The following TP73 variants were observed in gnomAD, a reference collection of about 807,000 sequenced individuals.
TP73 encodes p53-like transcription factor.
A neutral mutation model predicts 62.5 loss-of-function variants in TP73; 25 were observed. The observed-to-expected ratio is 0.40, with a 90% CI of 0.29 to 0.56. TP73 has a LOEUF of 0.56. TP73 is among the 20% of genes least tolerant of loss of function. TP73 has a pLI of 0.46. For missense variants in TP73, 754 were observed against 913.3 expected (o/e 0.83, Z 2.25); for synonymous variants, 423 against 377.5 (o/e 1.12, Z -1.40).
intron 1 of TP73, among the ~76,000 whole-genome samples, chr1:3,676,274 T>C (rs1269807698): frequency 1.6e-5 from 2 of 123,182 alleles, no homozygotes; most frequent in Non-Finnish European, 3.3e-5. Flanking sequence ...GGCAGGGATC[T>C]ATGGGGACAA....
intron 4 of TP73, among the ~76,000 whole-genome samples, chr1:3,718,393 C>A (rs1640787004): frequency 6.6e-6 from 1 of 152,236 alleles, no homozygotes; most frequent in Admixed American, 6.5e-5. Context: ...ATCGCCACTT[C>A]ACCCTGCCCG....
At chr1:3,727,994 T>C (rs890505068) in intron 8 of TP73, 135 bp from the exon 9 acceptor site, 23 of 1,179,784 alleles carry the variant, frequency 1.9e-5, no homozygotes, top group Non-Finnish European at 2.5e-5. Flanking sequence ...TGCCCGTCCC[T>C]GTGGGTTGCT....
chr1:3,715,513 G>A (rs1027690341), intron 4 of TP73, among the ~76,000 whole-genome samples: 3 of 152,212 alleles, frequency 2.0e-5, no homozygotes, highest in African/African-American at 7.2e-5. Context: ...TTAGCAGGCA[G>A]GTTTGGGTCA....
At chr1:3,661,752 A>G (rs1334298865) in intron 1 of TP73, among the ~76,000 whole-genome samples, 2 of 147,576 alleles carry the variant, frequency 1.4e-5, no homozygotes, top group African/African-American at 4.9e-5. Flanking sequence ...TATGTATTAC[A>G]TATATACATA....
intron 3 of TP73, among the ~76,000 whole-genome samples, chr1:3,695,798 A>G (rs952121041): frequency 2.0e-4 from 31 of 152,188 alleles, no homozygotes; most frequent in Non-Finnish European, 3.7e-4. Context: ...GATAGACCAC[A>G]GGGGGGCAGG....
At chr1:3,729,789 C>T (rs1204306583) in intron 10 of TP73, 9 of 803,498 alleles carry the variant, frequency 1.1e-5, no homozygotes, top group East Asian at 2.7e-5. Flanking sequence ...CCCTGCCTCC[C>T]GGCCCCGCCA....
chr1:3,703,620 G>A (rs1639391383), intron 3 of TP73, among the ~76,000 whole-genome samples: 2 of 152,272 alleles, frequency 1.3e-5, no homozygotes, highest in African/African-American at 4.8e-5. Context: ...GATCATACAA[G>A]AATGTGGACA....
intron 3 of TP73, among the ~76,000 whole-genome samples, chr1:3,691,246 G>A (rs1303128837): frequency 6.6e-6 from 1 of 152,170 alleles, no homozygotes; most frequent in East Asian, 1.9e-4. Context: ...GTGCTCGGGG[G>A]TCTCTGATGC....
intron 4 of TP73, among the ~76,000 whole-genome samples, chr1:3,718,900 G>A (rs781402729): frequency 3.3e-5 from 5 of 152,068 alleles, no homozygotes; most frequent in African/African-American, 4.8e-5. Flanking sequence ...CTCCTCACCT[G>A]GTGCTGAGAA....
At chr1:3,702,331 T>C (rs559732682) in intron 3 of TP73, among the ~76,000 whole-genome samples, 2 of 152,238 alleles carry the variant, frequency 1.3e-5, no homozygotes, top group African/African-American at 2.4e-5. Context: ...ACCCCTCATT[T>C]TGGAGCAAGG....
At chr1:3,690,844 A>G in intron 3 of TP73, 2 of 1,550,866 alleles carry the variant, frequency 1.3e-6, no homozygotes, top group Non-Finnish European at 1.7e-6. Flanking sequence ...GGCCGCCCAG[A>G]TCCATGCCTC....
intron 3 of TP73, among the ~76,000 whole-genome samples, chr1:3,689,595 G>T (rs1219697224): frequency 6.6e-6 from 1 of 152,164 alleles, no homozygotes; most frequent in Non-Finnish European, 1.5e-5. Context: ...TCTCCCGGGG[G>T]TGGGGGTGGG....
chr1:3,675,745 G>T (rs1043640903), intron 1 of TP73, among the ~76,000 whole-genome samples: 1 of 152,132 alleles, frequency 6.6e-6, no homozygotes. Context: ...GCTCAGTCGG[G>T]GTGGAGTGTC....
intron 1 of TP73, among the ~76,000 whole-genome samples, chr1:3,656,708 C>T (rs576808062): frequency 2.2e-4 from 34 of 152,320 alleles, no homozygotes; most frequent in African/African-American, 7.2e-4. Context: ...GGCTCAGACA[C>T]GGCCCCCAGA....
intron 3 of TP73, among the ~76,000 whole-genome samples, chr1:3,704,399 C>A: frequency 6.6e-6 from 1 of 152,200 alleles, no homozygotes; most frequent in East Asian, 1.9e-4. Flanking sequence ...CACACACCCC[C>A]ACCCTGTGTG....
intron 1 of TP73, chr1:3,659,070 C>G (rs1048740716): frequency 6.6e-6 from 1 of 152,036 alleles, no homozygotes; most frequent in African/African-American, 2.4e-5. Context: ...TGTCCTGAGC[C>G]CCATTGTTTC....
At chr1:3,676,554 G>A (rs1645375378) in intron 1 of TP73, among the ~76,000 whole-genome samples, 2 of 151,944 alleles carry the variant, frequency 1.3e-5, no homozygotes, top group South Asian at 4.1e-4. Context: ...AGGCCAGAGG[G>A]GTTGGGCAGG....
At position 3,718,248 on chromosome 1, in the gene TP73, G is replaced by T. The variant is rs369496040; in HGVS notation, c.430-3773G>T. On this transcript the variant is annotated intron_variant, in intron 4 of 13. Coordinates refer to ENST00000378295, the MANE Select transcript of TP73 (RefSeq NM_005427.4). Reference sequence around the variant, plus strand: ...GGGCGGGGCATCCACAGTGCTCCCCGCGCCTGGGCCCCCAGGACCTCTTGC... The same window carrying T: ...GGGCGGGGCATCCACAGTGCTCCCCTCGCCTGGGCCCCCAGGACCTCTTGC... Among the ~76,000 whole-genome samples the T allele has an allele frequency of 5.3e-5, 8 of 152,290 alleles. No homozygotes were observed. The East Asian group carries it at 9.7e-4, about 18-fold the overall frequency.
intron 3 of TP73, among the ~76,000 whole-genome samples, chr1:3,687,241 C>T (rs1055010944): frequency 1.1e-4 from 17 of 152,228 alleles, no homozygotes; most frequent in Admixed American, 3.9e-4. Context: ...GAGGGTGGGC[C>T]GAGGAGCCAC....
Sources: gnomAD v4.1 joint callset for allele counts (sites outside exome capture counted in the v4.1 genomes callset) on GRCh38, gnomAD v4.1.1 for gene constraint, MANE v1.5 for transcripts, NCBI Gene and HGNC (gene_info 2026-07-23, HGNC 2026-07-21) for gene names.